The following LURAP1L variants were observed in gnomAD, a reference collection of about 807,000 sequenced individuals.
LURAP1L encodes leucine rich adaptor protein 1-like.
A neutral mutation model predicts 13.8 loss-of-function variants in LURAP1L; 12 were observed. The ratio of observed to expected loss-of-function variants is 0.87; its 90% CI spans 0.56 to 1.41. LURAP1L has a LOEUF of 1.41. LURAP1L is among the 40% of genes most tolerant of loss of function. The pLI is 0.00. For synonymous variants in LURAP1L, 139 were observed against 119.2 expected (o/e 1.17, Z -1.08); for missense variants, 375 against 292.9 (o/e 1.28, Z -2.04).
rs778562505 is a variant in LURAP1L, at chr9:12,821,796, C to T, written c.*36C>T. ...TTGCATGGGACTGGTGTGCAATGAA[C>T]TTGTATTTATCCTTCTTCTCCGCTG... On this transcript the variant is annotated 3_prime_UTR_variant, in exon 2 of 2. Transcript: ENST00000319264. The T allele has an allele frequency of 6.3e-6, 10 of 1,576,174 alleles. No individual in the cohort carries two copies. The highest frequency in any genetic ancestry group is 1.8e-5 in the Admixed American group (1 of 56,476).
chr9:12,814,634 G>C (rs1163679909), intron 1 of LURAP1L, among the ~76,000 whole-genome samples: 1 of 152,168 alleles, frequency 6.6e-6, no homozygotes, highest in Non-Finnish European at 1.5e-5. Flanking sequence ...TCACGAGCAG[G>C]CCTGGTGGCC....
intron 1 of LURAP1L, among the ~76,000 whole-genome samples, chr9:12,783,778 T>C (rs1227141495): frequency 6.6e-6 from 1 of 152,006 alleles, no homozygotes; most frequent in African/African-American, 2.4e-5. Context: ...AGGATTGTTC[T>C]TCTTTAAATG....
At chr9:12,790,796 T>C (rs1319409610) in intron 1 of LURAP1L, 1 of 151,894 alleles carries the variant, frequency 6.6e-6, no homozygotes, top group Non-Finnish European at 1.5e-5. Flanking sequence ...TACATGTTAG[T>C]TTTTGGCATC....
chr9:12,775,645 G>C lies in LURAP1L; in HGVS notation c.-71G>C, dbSNP rs1819160279. 6.6e-7 allele frequency: 1 copy of C among 1,510,944 alleles called. No homozygotes were observed. Among genetic ancestry groups the C allele is most frequent in the Admixed American group, 2.3e-5 (1 of 42,872 alleles). 93.6% of individuals were successfully genotyped at this position (1,510,944 alleles called of 1,614,324 possible). On this transcript the variant is annotated 5_prime_UTR_variant, in exon 1 of 2. Transcript: ENST00000319264. ...CCCGGAGAGGTCTGCTGATTTCGCA[G>C]CAGCCTTCGAAGCCGTGGCTGCCTT...
intron 1 of LURAP1L, among the ~76,000 whole-genome samples, chr9:12,779,001 A>G (rs937654035): frequency 1.3e-5 from 2 of 152,222 alleles, no homozygotes. Flanking sequence ...TAAATCAGTC[A>G]CAGTAAGAGA....
Position 12,776,342 on chromosome 9 carries a change from C to T in LURAP1L, c.312+315C>T, listed in dbSNP as rs191253847. ...AGCTGCCAGCCCGTAGCCTCTTAGG[C>T]ACCAGCCCGTTGAGAGTTTGCAGTT... On this transcript the variant is annotated intron_variant, in intron 1 of 1. Transcript: ENST00000319264. Among the ~76,000 whole-genome samples, 87 of 152,304 alleles carry T rather than the reference C, an allele frequency of 5.7e-4. 1 individual carries two copies. The East Asian group carries it at 0.014, about 25-fold the overall frequency.
chr9:12,810,689 TA>T (rs897578378), intron 1 of LURAP1L, among the ~76,000 whole-genome samples: 1 of 152,196 alleles, frequency 6.6e-6, no homozygotes, highest in African/African-American at 2.4e-5. Flanking sequence ...AAAGCCATTT[TA>T]AAAAGCTAAG....
chr9:12,795,573 T>A (rs961857143), intron 1 of LURAP1L, among the ~76,000 whole-genome samples: 4 of 151,854 alleles, frequency 2.6e-5, no homozygotes, highest in Admixed American at 1.3e-4. Context: ...GTTGTGATGG[T>A]TATGTTGGAG....
At chr9:12,793,343 A>G (rs999639432) in intron 1 of LURAP1L, among the ~76,000 whole-genome samples, 2 of 152,094 alleles carry the variant, frequency 1.3e-5, no homozygotes, top group Admixed American at 6.6e-5. Context: ...GTCTGTTTTG[A>G]TATGATTTAG....
intron 1 of LURAP1L, among the ~76,000 whole-genome samples, chr9:12,813,597 C>G (rs919622526): frequency 2.6e-5 from 4 of 152,082 alleles, no homozygotes; most frequent in African/African-American, 9.7e-5. Flanking sequence ...TTTAATACTG[C>G]AGATTGAAAT....
At chr9:12,818,065 T>C (rs1205642661) in intron 1 of LURAP1L, among the ~76,000 whole-genome samples, 1 of 151,504 alleles carries the variant, frequency 6.6e-6, no homozygotes, top group Non-Finnish European at 1.5e-5. Flanking sequence ...ACGTTCTAAC[T>C]GACTTGCTTG....
intron 1 of LURAP1L, among the ~76,000 whole-genome samples, chr9:12,807,214 T>C (rs549026611): frequency 0.013 from 1,543 of 121,472 alleles, 22 homozygotes; most frequent in African/African-American, 0.046. Context: ...TGCAGTGAGC[T>C]GAGATCGTGC....
intron 1 of LURAP1L, among the ~76,000 whole-genome samples, chr9:12,781,023 G>T (rs1289815651): frequency 1.3e-5 from 2 of 152,120 alleles, no homozygotes; most frequent in East Asian, 1.9e-4. Context: ...CCAGGCTGGA[G>T]TGCAATGGCT....
chr9:12,821,235 C>T (rs1819876157), intron 1 of LURAP1L, 151 bp from the exon 2 acceptor site: 3 of 870,850 alleles, frequency 3.4e-6, no homozygotes, highest in South Asian at 1.7e-5. Context: ...CATCAGTCAG[C>T]AATTATCAAA....
chr9:12,806,709 T>C (rs1293440618), intron 1 of LURAP1L, among the ~76,000 whole-genome samples: 1 of 152,068 alleles, frequency 6.6e-6, no homozygotes, highest in South Asian at 2.1e-4. Context: ...TGGATTATAC[T>C]AATTTACTTT....
chr9:12,804,142 A>T (rs934354643), intron 1 of LURAP1L, among the ~76,000 whole-genome samples: 3 of 152,158 alleles, frequency 2.0e-5, no homozygotes, highest in African/African-American at 7.2e-5. Flanking sequence ...ATTCTCATTA[A>T]TCAATGACAA....
chr9:12,815,738 G>A (rs975764618), intron 1 of LURAP1L, among the ~76,000 whole-genome samples: 6 of 152,252 alleles, frequency 3.9e-5, no homozygotes, highest in African/African-American at 1.4e-4. Flanking sequence ...GCTATCCAAG[G>A]CTCCAGAAAG....
At chr9:12,804,018 AATTC>A (rs1015593208) in intron 1 of LURAP1L, among the ~76,000 whole-genome samples, 1 of 152,240 alleles carries the variant, frequency 6.6e-6, no homozygotes, top group African/African-American at 2.4e-5. Context: ...TTCCTCATAG[AATTC>A]ATTGTGATTC....
rs1819877734 is a variant in LURAP1L, at chr9:12,821,375, T to C, written c.313-11T>C. 3 of 1,602,140 alleles carry C rather than the reference T, an allele frequency of 1.9e-6. No individual in the cohort carries two copies. Among genetic ancestry groups the C allele is most frequent in the Non-Finnish European group, 2.6e-6 (3 of 1,171,284 alleles). On this transcript the variant is annotated splice_polypyrimidine_tract_variant and intron_variant, in intron 1 of 1. Coordinates refer to ENST00000319264, the MANE Select transcript of LURAP1L (RefSeq NM_203403.2). ...ATGGCTGGAATATCTTTCTTCTCTC[T>C]TTGTCCATAGGTTAACCTCAGAGCC...
Sources: gnomAD v4.1 joint callset for allele counts (sites outside exome capture counted in the v4.1 genomes callset) on GRCh38, gnomAD v4.1.1 for gene constraint, MANE v1.5 for transcripts, NCBI Gene and HGNC (gene_info 2026-07-23, HGNC 2026-07-21) for gene names.